ZNF483: variants seen among roughly 807,000 people sequenced by gnomAD.
ZNF483 encodes the protein zinc finger protein HIT-10.
ZNF483 carries 9 observed loss-of-function variants against 28.6 expected under a neutral mutation model. That is an observed-to-expected ratio of 0.32 (90% confidence interval 0.19 to 0.55). The LOEUF is 0.55. ZNF483 is among the 20% of genes least tolerant of loss of function. The probability of loss-of-function intolerance (pLI) is 0.93; values close to 1 mark genes in which losing one functional copy is unlikely to be tolerated. For missense variants in ZNF483, 675 were observed against 871.7 expected (o/e 0.77, Z 2.84); for synonymous variants, 322 against 306.2 (o/e 1.05, Z -0.54).
intron 5 of ZNF483, chr9:111,574,801 C>T (rs1441986822): frequency 6.2e-7 from 1 of 1,613,852 alleles, no homozygotes; most frequent in South Asian, 1.1e-5. Flanking sequence ...TTCCAAATTT[C>T]TTCATCTGGC....
At chr9:111,564,608 G>A (rs1159768713) in intron 5 of ZNF483, among the ~76,000 whole-genome samples, 4 of 151,848 alleles carry the variant, frequency 2.6e-5, no homozygotes, top group Non-Finnish European at 5.9e-5. Flanking sequence ...GCCTGGCTGA[G>A]ATTTGAACTT....
downstream of ZNF483, among the ~76,000 whole-genome samples, chr9:111,557,560 C>G (rs1345134578): frequency 1.3e-5 from 2 of 151,886 alleles, no homozygotes; most frequent in Non-Finnish European, 2.9e-5. Flanking sequence ...ATTCTCATGC[C>G]TCAGCCTCCC....
At chr9:111,533,957 G>T in intron 4 of ZNF483, 92 bp downstream of exon 4, 1 of 1,494,752 alleles carries the variant, frequency 6.7e-7, no homozygotes, top group Non-Finnish European at 9.0e-7. Flanking sequence ...TGAAGTACTT[G>T]GTTTTGGCTG....
chr9:111,526,517 A>T (rs1055607384), intron 1 of ZNF483, among the ~76,000 whole-genome samples: 1 of 152,164 alleles, frequency 6.6e-6, no homozygotes, highest in African/African-American at 2.4e-5. Flanking sequence ...GCAGTTTCAG[A>T]AGGATAGAAT....
Position 111,552,551 on chromosome 9 carries a change from T to C in ZNF483, c.*9381T>C, listed in dbSNP as rs752720339. Among the ~76,000 whole-genome samples the C allele has an allele frequency of 2.6e-5, 4 of 152,220 alleles. No homozygotes were observed. Among genetic ancestry groups the C allele is most frequent in the Non-Finnish European group, 5.9e-5 (4 of 68,034 alleles). On this transcript the variant is annotated 3_prime_UTR_variant, in exon 6 of 6. Transcript: ENST00000309235. ...TGTGATAGAAACTAACTTTTCTGTC[T>C]CTAACTGAAATTCTTTGACAGATGG...
downstream of ZNF483, among the ~76,000 whole-genome samples, chr9:111,557,600 T>C (rs1828163194): frequency 1.3e-5 from 2 of 151,834 alleles, no homozygotes; most frequent in South Asian, 4.1e-4. Flanking sequence ...CCCTGCTAAT[T>C]TTTGTATTTT....
At position 111,549,281 on chromosome 9, in the gene ZNF483, CTG is replaced by C. The variant is rs1405412851; in HGVS notation, c.*6113_*6114del. On this transcript the variant is annotated 3_prime_UTR_variant, in exon 6 of 6. Coordinates refer to ENST00000309235, the MANE Select transcript of ZNF483 (RefSeq NM_133464.5). ...AATATCTTACAATTCTGAAAACACA[CTG>C]TCAAAATGCTTTTCATAAAATGTAG... Among the ~76,000 whole-genome samples the C allele has an allele frequency of 6.6e-6, 1 of 152,094 alleles. No homozygotes were observed. The highest frequency in any genetic ancestry group is 2.4e-5 in the African/African-American group (1 of 41,378).
intron 5 of ZNF483, among the ~76,000 whole-genome samples, chr9:111,575,104 C>T (rs1829003204): frequency 6.6e-6 from 1 of 152,116 alleles, no homozygotes; most frequent in Non-Finnish European, 1.5e-5. Context: ...CGTTCCAGAC[C>T]AGCCTGGCCA....
At position 111,549,884 on chromosome 9, in the gene ZNF483, C is replaced by A; in HGVS notation, c.*6714C>A. The A allele has an allele frequency of 1.2e-6, 1 of 815,176 alleles. No individual in the cohort carries two copies. The highest frequency in any genetic ancestry group is 1.6e-5 in the South Asian group (1 of 63,290). The allele number at this position is 815,176 out of a possible 1,614,324, so 50.5% of individuals were successfully genotyped here. A position where few individuals can be genotyped will look rare whatever the true frequency, so the allele number is the denominator to read the frequency against. On this transcript the variant is annotated 3_prime_UTR_variant, in exon 6 of 6. Coordinates refer to ENST00000309235, the MANE Select transcript of ZNF483 (RefSeq NM_133464.5). ...TCTGTCTAGTGAGTCAATGTTTGGT[C>A]TTCCTCATGTCCATTTTTTGTTGGT...
At position 111,550,916 on chromosome 9, in the gene ZNF483, C is replaced by T. The variant is rs571095439; in HGVS notation, c.*7746C>T. The stretch of plus-strand genomic sequence containing the variant: ...ATCCCTGTTTCCTTTGAGTTGTTTT[C>T]ACCTGTTTTCTGTCTCTCACACTGG... On this transcript the variant is annotated 3_prime_UTR_variant, in exon 6 of 6. Transcript: ENST00000309235. Among the ~76,000 whole-genome samples, 1 of 152,122 alleles carries T rather than the reference C, an allele frequency of 6.6e-6. No homozygotes were observed. Among genetic ancestry groups the T allele is most frequent in the Non-Finnish European group, 1.5e-5 (1 of 68,036 alleles).
At chr9:111,533,331 G>A (rs916611272) in intron 3 of ZNF483, among the ~76,000 whole-genome samples, 5 of 152,090 alleles carry the variant, frequency 3.3e-5, no homozygotes, top group African/African-American at 7.2e-5. Context: ...ATGATTAGCC[G>A]CTCCGTAGCT....
At chr9:111,560,758 A>G (rs1486847746) in intron 5 of ZNF483, among the ~76,000 whole-genome samples, 2 of 148,550 alleles carry the variant, frequency 1.3e-5, no homozygotes, top group African/African-American at 5.0e-5. Context: ...CCTGACCAAC[A>G]TGGTGAAACC....
At chr9:111,530,489 T>C (rs941393304) in intron 2 of ZNF483, among the ~76,000 whole-genome samples, 52 of 151,906 alleles carry the variant, frequency 3.4e-4, no homozygotes, top group Non-Finnish European at 7.4e-5. Context: ...TCAAAAGCCC[T>C]GGAGGGTCGG....
chr9:111,548,676 G>T lies in ZNF483; in HGVS notation c.*5506G>T, dbSNP rs1184804176. ...AGGCATCTGTGCCTTTTCCTGAAAT[G>T]CTTTCTATTTTATATCATTCCGTAT... On this transcript the variant is annotated 3_prime_UTR_variant, in exon 6 of 6. Transcript: ENST00000309235. Among the ~76,000 whole-genome samples, 1 of 152,106 alleles carries T rather than the reference G, an allele frequency of 6.6e-6. No individual in the cohort carries two copies. The highest frequency in any genetic ancestry group is 2.4e-5 in the African/African-American group (1 of 41,428).
intron 1 of ZNF483, among the ~76,000 whole-genome samples, chr9:111,525,512 CG>C (rs1589263535): frequency 1.3e-5 from 2 of 151,870 alleles, no homozygotes; most frequent in African/African-American, 4.8e-5. Flanking sequence ...TGTGGTGTGG[CG>C]GTGAGGGGGA....
rs1564591289 is a variant in ZNF483 at position 111,530,810 on chromosome 9, TATATAA to T, written c.413-64_413-59del. ...ATATATATATATATATACATATATA[TATATAA>T]GATTTTTAGTCTGAGGAATCTGTAT... On this transcript the variant is annotated intron_variant, in intron 2 of 5. Transcript: ENST00000309235. 4.7e-3 allele frequency: 738 copies of T among 157,988 alleles called. 26 individuals carry two copies. Among genetic ancestry groups the T allele is most frequent in the Non-Finnish European group, 7.0e-3 (525 of 74,600 alleles). The allele number at this position is 157,988 out of a possible 1,614,324, so 9.8% of individuals were successfully genotyped here.
chr9:111,542,876 T>C lies in ZNF483; in HGVS notation c.1941T>C (p.His647=). The C allele has an allele frequency of 6.2e-7, 1 of 1,614,118 alleles. No homozygotes were observed. The highest frequency in any genetic ancestry group is 8.5e-7 in the Non-Finnish European group (1 of 1,180,004). ...AGTGTGAGAAAGCCTTCCCAACCCA[T>C]TCACTGCTAAGTCGTCATCAGAGAA... is the stretch of plus-strand genomic sequence containing the variant. ...CNQCEKAFPT[H]SLLSRHQRIH... The change falls in exon 6 of 6, where the codon CAT becomes CAC. Residue 647 remains histidine, a synonymous_variant. Transcript: ENST00000309235. The surrounding 1 kb of genome is among the most constrained non-coding windows in gnomAD (Gnocchi z 6.2).
At position 111,551,157 on chromosome 9, in the gene ZNF483, A is replaced by G. The variant is rs1233325425; in HGVS notation, c.*7987A>G. Reference sequence around the variant, plus strand: ...TTACTTCACCCAATATATCCATAATATTATTTCATCATGTAATCAATGTAA... The same window carrying G: ...TTACTTCACCCAATATATCCATAATGTTATTTCATCATGTAATCAATGTAA... On this transcript the variant is annotated 3_prime_UTR_variant, in exon 6 of 6. Coordinates refer to ENST00000309235, the MANE Select transcript of ZNF483 (RefSeq NM_133464.5). Among the ~76,000 whole-genome samples, 1 of 152,232 alleles carries G rather than the reference A, an allele frequency of 6.6e-6. No individual in the cohort carries two copies. The highest frequency in any genetic ancestry group is 2.4e-5 in the African/African-American group (1 of 41,466).
chr9:111,536,324 CCTGA>C (rs1171626330), intron 5 of ZNF483, among the ~76,000 whole-genome samples: 3 of 151,874 alleles, frequency 2.0e-5, no homozygotes, highest in African/African-American at 4.8e-5. Context: ...TCAAGACCAT[CCTGA>C]CTAACACGGT....
Sources: allele counts gnomAD v4.1 joint callset (sites outside exome capture counted in the v4.1 genomes callset), GRCh38; gene constraint gnomAD v4.1.1; non-coding constraint Gnocchi (gnomAD v3.1); transcripts MANE v1.5; gene names NCBI Gene and HGNC (gene_info 2026-07-23, HGNC 2026-07-21).